Variants in LMCD1 observed in about 807,000 individuals in gnomAD.
The protein encoded by LMCD1 is LIM and cysteine rich domains 1.
LMCD1 carries 32 observed loss-of-function variants against 42.7 expected under a neutral mutation model. That is an observed-to-expected ratio of 0.75 (90% CI 0.57 to 1.01). The LOEUF (loss-of-function observed/expected upper bound fraction) is 1.01, where lower values mean the gene tolerates loss of function less well. Ranked by LOEUF, LMCD1 falls within the 50% of genes least tolerant of loss-of-function variation. The probability of loss-of-function intolerance (pLI) is 0.00; values close to 1 mark genes in which losing one functional copy is unlikely to be tolerated. For synonymous variants in LMCD1, 178 were observed against 184.9 expected (o/e 0.96, Z 0.30); for missense variants, 458 against 483.1 (o/e 0.95, Z 0.49).
At position 8,536,399 on chromosome 3, in the gene LMCD1, G is replaced by A. The variant is rs373550437; in HGVS notation, c.132-786G>A. ...TTTTGTTTTTAATTGTCAAAGAGAAGCATGAGGCTTTTTAGTAAATCTGAA... is the reference window on the plus strand; with the variant it reads ...TTTTGTTTTTAATTGTCAAAGAGAAACATGAGGCTTTTTAGTAAATCTGAA... On this transcript the variant is annotated intron_variant, in intron 2 of 5. Coordinates refer to ENST00000157600, the MANE Select transcript of LMCD1 (RefSeq NM_014583.4). 1.2e-4 allele frequency among the ~76,000 whole-genome samples: 19 copies of A among 152,304 alleles called. No individual in the cohort carries two copies. The East Asian group carries it at 3.5e-3, about 28-fold the overall frequency.
chr3:8,540,125 G>T (rs569845466), intron 3 of LMCD1, among the ~76,000 whole-genome samples: 8 of 151,918 alleles, frequency 5.3e-5, no homozygotes, highest in Non-Finnish European at 1.0e-4. Flanking sequence ...GCAAATTATC[G>T]CAAGGACAGA....
At chr3:8,548,310 G>A (rs189172694) in intron 3 of LMCD1, among the ~76,000 whole-genome samples, 4 of 151,910 alleles carry the variant, frequency 2.6e-5, no homozygotes, top group Non-Finnish European at 5.9e-5. Flanking sequence ...TAAGGGATGC[G>A]TGTTTTTCCT....
intron 4 of LMCD1, chr3:8,551,088 T>TTGGGCTAGGC: frequency 1.0e-6 from 1 of 985,416 alleles, no homozygotes; most frequent in Non-Finnish European, 1.2e-6. Flanking sequence ...CCTTTATTGG[T>TTGGGCTAGGC]TGGGCTAGGC....
In LMCD1 at chr3:8,565,514, A is replaced by AC; in HGVS notation, c.810dup (p.Thr271HisfsTer43). 6.2e-7 allele frequency: 1 copy of AC among 1,614,066 alleles called. No individual in the cohort carries two copies. Among genetic ancestry groups the AC allele is most frequent in the African/African-American group, 1.3e-5 (1 of 75,014 alleles). On this transcript the variant is annotated frameshift_variant, in exon 5 of 6. Transcript: ENST00000157600. LOFTEE classifies it high-confidence loss of function. ...AGGGCAGGCTACAACAAGCAGTGGCACCCCACCTGCTTTGTGTGTGCCAAG... is the reference window on the plus strand; with the variant it reads ...AGGGCAGGCTACAACAAGCAGTGGCACCCCCACCTGCTTTGTGTGTGCCAAG...
intron 3 of LMCD1, among the ~76,000 whole-genome samples, chr3:8,542,397 C>T (rs937679833): frequency 6.6e-6 from 1 of 152,194 alleles, no homozygotes; most frequent in Non-Finnish European, 1.5e-5. Context: ...ATTAGCCCTG[C>T]AGCCACAGAC....
chr3:8,561,982 G>T (rs2125039745), intron 4 of LMCD1, among the ~76,000 whole-genome samples: 1 of 152,300 alleles, frequency 6.6e-6, no homozygotes, highest in East Asian at 1.9e-4. Flanking sequence ...AGTTATAAAT[G>T]TGCGATGGAT....
chr3:8,516,165 C>G (rs999420470), intron 1 of LMCD1, among the ~76,000 whole-genome samples: 1 of 152,124 alleles, frequency 6.6e-6, no homozygotes, highest in Non-Finnish European at 1.5e-5. Context: ...CCTCGAGGCC[C>G]TCTCTTTCTG....
At chr3:8,558,116 T>C (rs1344465865) in intron 4 of LMCD1, among the ~76,000 whole-genome samples, 1 of 152,230 alleles carries the variant, frequency 6.6e-6, no homozygotes, top group Non-Finnish European at 1.5e-5. Context: ...GGGAGCTGCA[T>C]AGCATCACTT....
At chr3:8,525,755 G>A (rs188028443) in intron 1 of LMCD1, among the ~76,000 whole-genome samples, 125 of 152,286 alleles carry the variant, frequency 8.2e-4, no homozygotes, top group African/African-American at 2.8e-3. Flanking sequence ...AAGTTGGAAC[G>A]GTTGAAGTTA....
chr3:8,521,912 T>C (rs1694213958), intron 1 of LMCD1, among the ~76,000 whole-genome samples: 1 of 151,972 alleles, frequency 6.6e-6, no homozygotes, highest in Non-Finnish European at 1.5e-5. Context: ...TTTTTCAAGA[T>C]GGATGCAGAT....
chr3:8,532,679 G>C lies in LMCD1; in HGVS notation c.43-58G>C, dbSNP rs539201913. 27 of 1,467,234 alleles carry C rather than the reference G, an allele frequency of 1.8e-5. No individual in the cohort carries two copies. In the Admixed American group the frequency reaches 2.7e-4, roughly 15 times the overall value. The allele number at this position is 1,467,234 out of a possible 1,614,324, so 90.9% of individuals were successfully genotyped here. On this transcript the variant is annotated intron_variant, in intron 1 of 5. Transcript: ENST00000157600. Reference sequence around the variant, plus strand: ...GCACGCCAAGTCTTTTAGAGGTCAAGCATCTCCGGTCCAAGATGTTTGGAA... The same window carrying C: ...GCACGCCAAGTCTTTTAGAGGTCAACCATCTCCGGTCCAAGATGTTTGGAA...
chr3:8,541,145 C>G (rs1293896813), intron 3 of LMCD1, among the ~76,000 whole-genome samples: 1 of 152,172 alleles, frequency 6.6e-6, no homozygotes, highest in Non-Finnish European at 1.5e-5. Flanking sequence ...GGAGTGCCTT[C>G]CCTTCCACTT....
intron 3 of LMCD1, among the ~76,000 whole-genome samples, chr3:8,539,792 A>AT (rs201628148): frequency 7.8e-6 from 1 of 128,614 alleles, no homozygotes; most frequent in Non-Finnish European, 1.6e-5. Context: ...CCTTCCCAAC[A>AT]TTTTTATTAT....
At chr3:8,537,683 G>A (rs1275901129) in intron 3 of LMCD1, among the ~76,000 whole-genome samples, 1 of 152,142 alleles carries the variant, frequency 6.6e-6, no homozygotes, top group Non-Finnish European at 1.5e-5. Context: ...AAGAGGCCTT[G>A]CAGCTCTAGT....
At chr3:8,560,585 A>G (rs1574975363) in intron 4 of LMCD1, among the ~76,000 whole-genome samples, 1 of 152,222 alleles carries the variant, frequency 6.6e-6, no homozygotes, top group African/African-American at 2.4e-5. Flanking sequence ...GGAGGGAAAG[A>G]GCTGGAAATT....
At chr3:8,560,013 G>A (rs957637717) in intron 4 of LMCD1, among the ~76,000 whole-genome samples, 1 of 152,218 alleles carries the variant, frequency 6.6e-6, no homozygotes, top group Non-Finnish European at 1.5e-5. Flanking sequence ...TTGCAAACAA[G>A]CTCTGTGAAC....
intron 3 of LMCD1, among the ~76,000 whole-genome samples, chr3:8,540,793 A>T (rs530813030): frequency 1.3e-5 from 2 of 152,272 alleles, no homozygotes; most frequent in South Asian, 2.1e-4. Context: ...ACCGCGCCCT[A>T]TGTGCTGAGT....
At chr3:8,559,538 G>A (rs1694989624) in intron 4 of LMCD1, among the ~76,000 whole-genome samples, 1 of 152,194 alleles carries the variant, frequency 6.6e-6, no homozygotes, top group Admixed American at 6.5e-5. Context: ...CAGGCAGTCT[G>A]ACTTGGTATC....
At chr3:8,549,990 A>AGAT in intron 4 of LMCD1, 2 of 1,478,050 alleles carry the variant, frequency 1.4e-6, no homozygotes, top group Non-Finnish European at 1.8e-6. Context: ...CCACCTCTCA[A>AGAT]TACTGCCATG....
Sources: allele counts gnomAD v4.1 joint callset (sites outside exome capture counted in the v4.1 genomes callset), GRCh38; gene constraint gnomAD v4.1.1; transcripts MANE v1.5; gene names NCBI Gene and HGNC (gene_info 2026-07-23, HGNC 2026-07-21).